ZC3H12B: variants seen among roughly 807,000 people sequenced by gnomAD.
ZC3H12B encodes the protein zinc finger CCCH-type containing 12B, also known as probable ribonuclease ZC3H12B.
A neutral mutation model predicts 43.9 loss-of-function variants in ZC3H12B; 7 were observed. The observed-to-expected ratio is 0.16, with a 90% confidence interval of 0.09 to 0.30. The LOEUF (loss-of-function observed/expected upper bound fraction) is 0.30. ZC3H12B is among the 10% of genes least tolerant of loss of function. ZC3H12B has a pLI of 1.00. For missense variants in ZC3H12B, 475 were observed against 670.2 expected (o/e 0.71, Z 3.22); for synonymous variants, 222 against 241.7 (o/e 0.92, Z 0.76).
chrX:65,100,492 C>T, the ZC3H12B span, among the ~76,000 whole-genome samples: 1 of 99,376 alleles, frequency 1.0e-5, no homozygotes, highest in Non-Finnish European at 2.0e-5. Flanking sequence ...ATTCAGGAGA[C>T]CCATTTCACA....
the ZC3H12B span, among the ~76,000 whole-genome samples, chrX:65,088,105 G>C: frequency 2.7e-5 from 3 of 111,840 alleles, no homozygotes; most frequent in Non-Finnish European, 5.6e-5. Flanking sequence ...CGTTGGGATG[G>C]TGACGGTGAT....
the ZC3H12B span, among the ~76,000 whole-genome samples, chrX:65,054,656 G>A: frequency 9.0e-6 from 1 of 111,709 alleles, no homozygotes; most frequent in Non-Finnish European, 1.9e-5. Context: ...GGGTGGCGTT[G>A]AATCTGTAAA....
chrX:65,393,579 C>G (rs1419898861), intron 2 of ZC3H12B, among the ~76,000 whole-genome samples: 1 of 111,705 alleles, frequency 9.0e-6, no homozygotes, highest in Non-Finnish European at 1.9e-5. Flanking sequence ...TCATCCATAC[C>G]CCTGCAAAGA....
the ZC3H12B span, among the ~76,000 whole-genome samples, chrX:65,281,073 T>C: frequency 9.0e-6 from 1 of 110,898 alleles, no homozygotes; most frequent in Non-Finnish European, 1.9e-5. Context: ...GTAATTCTGA[T>C]TAAAAAGAAT....
intron 3 of ZC3H12B, among the ~76,000 whole-genome samples, chrX:65,471,121 G>A (rs1208362287): frequency 1.8e-5 from 2 of 111,535 alleles, no homozygotes; most frequent in African/African-American, 6.5e-5. Context: ...AGTGCTGTCA[G>A]TGGATTGTTG....
chrX:65,467,400 C>T (rs1202811867), intron 3 of ZC3H12B, among the ~76,000 whole-genome samples: 1 of 111,250 alleles, frequency 9.0e-6, no homozygotes, highest in African/African-American at 3.3e-5. Flanking sequence ...GTGAATTGTG[C>T]TGTGATAAAC....
At chrX:65,329,472 G>T in the ZC3H12B span, among the ~76,000 whole-genome samples, 2 of 93,798 alleles carry the variant, frequency 2.1e-5, no homozygotes, top group South Asian at 7.7e-4. Flanking sequence ...TGAGTAGGTT[G>T]CGAAAATTTT....
chrX:65,256,825 TA>T, the ZC3H12B span, among the ~76,000 whole-genome samples: 1 of 112,070 alleles, frequency 8.9e-6, no homozygotes, highest in Non-Finnish European at 1.9e-5. Context: ...AGAAGACATT[TA>T]TGCAGCCAAC....
At chrX:65,460,463 A>G (rs1396226371) in intron 3 of ZC3H12B, among the ~76,000 whole-genome samples, 2 of 112,077 alleles carry the variant, frequency 1.8e-5, no homozygotes, top group Non-Finnish European at 1.9e-5. Context: ...AAACTATACT[A>G]CAAGGCTACA....
At chrX:65,299,253 T>C in the ZC3H12B span, among the ~76,000 whole-genome samples, 2 of 111,843 alleles carry the variant, frequency 1.8e-5, no homozygotes, top group African/African-American at 6.5e-5. Context: ...TTTTTAGATT[T>C]TGCAAGAGAA....
the ZC3H12B span, among the ~76,000 whole-genome samples, chrX:65,139,162 C>T: frequency 1.8e-5 from 2 of 111,911 alleles, no homozygotes; most frequent in African/African-American, 6.5e-5. Context: ...GTAATCATTG[C>T]CAACACCAAT....
chrX:65,079,923 C>T, the ZC3H12B span, among the ~76,000 whole-genome samples: 1 of 110,807 alleles, frequency 9.0e-6, no homozygotes, highest in African/African-American at 3.3e-5. Flanking sequence ...ATATGATCTT[C>T]CAGACAGAGA....
At chrX:65,319,840 G>T in the ZC3H12B span, among the ~76,000 whole-genome samples, 1 of 111,045 alleles carries the variant, frequency 9.0e-6, no homozygotes, top group Non-Finnish European at 1.9e-5. Context: ...CATATCAGAT[G>T]CAAAAAGAGC....
At chrX:65,267,199 C>CTTTTT in the ZC3H12B span, among the ~76,000 whole-genome samples, 1 of 90,367 alleles carries the variant, frequency 1.1e-5, no homozygotes, top group African/African-American at 4.0e-5. Flanking sequence ...TTCTTTCTTT[C>CTTTTT]TTTTTTTTTT....
At chrX:65,265,822 G>A in the ZC3H12B span, among the ~76,000 whole-genome samples, 38 of 111,983 alleles carry the variant, frequency 3.4e-4, 1 homozygote, top group East Asian at 5.6e-3. Context: ...CCAGCAGGGA[G>A]AGGGGAATAA....
chrX:65,344,394 T>A, the ZC3H12B span, among the ~76,000 whole-genome samples: 1 of 111,539 alleles, frequency 9.0e-6, no homozygotes, highest in African/African-American at 3.3e-5. Context: ...TGGAACAGAA[T>A]GGAGATCCCA....
At position 65,385,404 on chromosome X, in the gene ZC3H12B, T is replaced by G. The variant is rs184893940; in HGVS notation, n.296-13189T>G. On this transcript the variant is annotated intron_variant and non_coding_transcript_variant, in intron 2 of 5. Transcript: ENST00000617377. ...GGATTCCTAGGTATTTTATTCTCTTTGAAGCCATTGTGAATGGGAGTTCAC... is the reference window on the plus strand; with the variant it reads ...GGATTCCTAGGTATTTTATTCTCTTGGAAGCCATTGTGAATGGGAGTTCAC... Among the ~76,000 whole-genome samples the G allele has an allele frequency of 5.4e-5, 6 of 111,737 alleles. No individual in the cohort carries two copies. The East Asian group carries it at 1.1e-3, about 21-fold the overall frequency.
chrX:65,252,918 C>T, the ZC3H12B span, among the ~76,000 whole-genome samples: 1 of 111,831 alleles, frequency 8.9e-6, no homozygotes, highest in African/African-American at 3.2e-5. Context: ...ACCTTATTTG[C>T]TTTGCCTTTA....
chrX:65,364,066 C>T (rs753213516), upstream of ZC3H12B, among the ~76,000 whole-genome samples: 33 of 111,015 alleles, frequency 3.0e-4, no homozygotes, highest in South Asian at 0.012. Context: ...CTTTCCTATT[C>T]CTCACCCTGA....
Sources: gnomAD v4.1 joint callset for allele counts (sites outside exome capture counted in the v4.1 genomes callset) on GRCh38, gnomAD v4.1.1 for gene constraint, MANE v1.5 for transcripts, NCBI Gene and HGNC (gene_info 2026-07-23, HGNC 2026-07-21) for gene names.